Variants in RALGAPA2 observed in about 807,000 individuals in gnomAD.
RALGAPA2 encodes Ral GTPase activating protein catalytic subunit alpha 2.
RALGAPA2 carries 139 observed loss-of-function variants against 230.4 expected under a neutral mutation model. That is an observed-to-expected ratio of 0.60 (90% CI 0.53 to 0.69). RALGAPA2 has a LOEUF of 0.69. RALGAPA2 is among the 30% of genes least tolerant of loss of function. The pLI is 0.00. For synonymous variants in RALGAPA2, 847 were observed against 837.8 expected (o/e 1.01, Z -0.19); for missense variants, 2,163 against 2,276.0 (o/e 0.95, Z 1.01).
At chr20:20,684,085 T>C (rs535889513) in intron 1 of RALGAPA2, among the ~76,000 whole-genome samples, 2 of 152,326 alleles carry the variant, frequency 1.3e-5, no homozygotes, top group South Asian at 4.1e-4. Flanking sequence ...GCAAGACTTC[T>C]GAATAAAACT....
At chr20:20,508,557 C>G (rs771512963) in intron 33 of RALGAPA2, among the ~76,000 whole-genome samples, 94 of 152,372 alleles carry the variant, frequency 6.2e-4, no homozygotes, top group Non-Finnish European at 9.8e-4. Flanking sequence ...CATCATAGCA[C>G]TGACAATCTA....
At chr20:20,518,492 T>A (rs2062942129) in intron 31 of RALGAPA2, among the ~76,000 whole-genome samples, 1 of 152,230 alleles carries the variant, frequency 6.6e-6, no homozygotes. Context: ...TCACTTTCTA[T>A]ATGATGTATC....
chr20:20,573,330 G>A (rs1275841127), intron 20 of RALGAPA2, among the ~76,000 whole-genome samples: 1 of 152,118 alleles, frequency 6.6e-6, no homozygotes, highest in Admixed American at 6.5e-5. Flanking sequence ...ATAGATCAGG[G>A]GAGAGGAAGA....
intron 36 of RALGAPA2, among the ~76,000 whole-genome samples, chr20:20,481,681 G>C (rs971172238): frequency 9.2e-5 from 14 of 152,158 alleles, no homozygotes; most frequent in African/African-American, 3.4e-4. Context: ...TGTGTACACA[G>C]AATATAAAAA....
intron 37 of RALGAPA2, among the ~76,000 whole-genome samples, chr20:20,453,684 A>T (rs964743870): frequency 2.0e-5 from 3 of 152,218 alleles, no homozygotes; most frequent in Non-Finnish European, 4.4e-5. Flanking sequence ...AGCCATGAGG[A>T]AACTGTGCAC....
At chr20:20,518,229 G>A (rs2062933478) in intron 31 of RALGAPA2, among the ~76,000 whole-genome samples, 1 of 152,086 alleles carries the variant, frequency 6.6e-6, no homozygotes, top group Non-Finnish European at 1.5e-5. Context: ...CTAATTTTTT[G>A]TATTTTTAGT....
chr20:20,682,090 T>C (rs138016413), intron 1 of RALGAPA2, among the ~76,000 whole-genome samples: 95 of 152,336 alleles, frequency 6.2e-4, no homozygotes, highest in African/African-American at 2.3e-3. Flanking sequence ...GTTGTTTTTC[T>C]CTGATAATTG....
chr20:20,428,215 A>G (rs946567761), intron 37 of RALGAPA2, among the ~76,000 whole-genome samples: 3 of 152,200 alleles, frequency 2.0e-5, no homozygotes, highest in Non-Finnish European at 2.9e-5. Context: ...TAAAATATAC[A>G]AATAACAGAA....
intron 36 of RALGAPA2, among the ~76,000 whole-genome samples, chr20:20,488,909 G>A (rs1309479225): frequency 6.6e-6 from 1 of 152,170 alleles, no homozygotes; most frequent in East Asian, 1.9e-4. Context: ...ACTGAATGAA[G>A]CACTCCTGTT....
rs531549323 is a variant in RALGAPA2, at chr20:20,417,857, A to G, written c.5496-5709T>C. ...GCTAGATATATTCTAGGCAATAGCA[A>G]CTTGTAAGGAGAGGTTAGAGAGTTC... On this transcript the variant is annotated intron_variant, in intron 37 of 39. Transcript: ENST00000202677. Among the ~76,000 whole-genome samples the G allele has an allele frequency of 5.8e-4, 88 of 152,370 alleles. 2 individuals are homozygous for G. The highest frequency in any genetic ancestry group is 1.8e-4 in the Non-Finnish European group (12 of 68,042).
At chr20:20,463,988 G>A (rs1244737428) in intron 37 of RALGAPA2, among the ~76,000 whole-genome samples, 2 of 152,114 alleles carry the variant, frequency 1.3e-5, no homozygotes, top group African/African-American at 4.8e-5. Flanking sequence ...GTGCAAACCC[G>A]AGATTCTTCT....
chr20:20,694,068 C>T (rs2069016203), intron 1 of RALGAPA2, among the ~76,000 whole-genome samples: 1 of 151,694 alleles, frequency 6.6e-6, no homozygotes. Context: ...TGAGCCACTG[C>T]ACTCCAGCCT....
intron 13 of RALGAPA2, 26 bp downstream of exon 13, chr20:20,616,017 T>A: frequency 7.1e-7 from 1 of 1,405,756 alleles, no homozygotes; most frequent in Non-Finnish European, 9.5e-7. Flanking sequence ...TGTTTTACAA[T>A]ACTAATTAAT....
intron 8 of RALGAPA2, among the ~76,000 whole-genome samples, chr20:20,636,728 G>A (rs2066874272): frequency 6.6e-6 from 1 of 152,094 alleles, no homozygotes; most frequent in Non-Finnish European, 1.5e-5. Flanking sequence ...TTAAATAATA[G>A]GGAGAGGAAG....
chr20:20,475,337 A>C (rs1401084892), intron 36 of RALGAPA2, among the ~76,000 whole-genome samples: 2 of 152,194 alleles, frequency 1.3e-5, no homozygotes, highest in African/African-American at 2.4e-5. Flanking sequence ...AATTAAACCC[A>C]GCAAGATAAA....
At chr20:20,462,437 G>A (rs757788746) in intron 37 of RALGAPA2, among the ~76,000 whole-genome samples, 1 of 152,218 alleles carries the variant, frequency 6.6e-6, no homozygotes, top group Non-Finnish European at 1.5e-5. Context: ...AGAAAAGGGA[G>A]TGGGCACCAG....
chr20:20,443,968 A>T (rs1279975817), intron 37 of RALGAPA2, among the ~76,000 whole-genome samples: 4 of 152,258 alleles, frequency 2.6e-5, no homozygotes, highest in Admixed American at 2.6e-4. Flanking sequence ...AGCAGCTCCC[A>T]TTCCTGGCTG....
At position 20,605,308 on chromosome 20, in the gene RALGAPA2, T is replaced by C; in HGVS notation, c.1905A>G (p.Glu635=). ...GVLSSLTEWE[E]LINEWANIMD... ...TAATGTTGGCCCACTCGTTTATAAG[T>C]TCCTCCCATTCCGTGAGGGAGGACA... The change falls in exon 15 of 40, where the codon GAA becomes GAG. Residue 635 remains glutamate (E), a synonymous_variant. Coordinates refer to ENST00000202677, the MANE Select transcript of RALGAPA2 (RefSeq NM_020343.4). 1 of 1,613,714 alleles carries C rather than the reference T, an allele frequency of 6.2e-7. No individual in the cohort carries two copies. Among genetic ancestry groups the C allele is most frequent in the Non-Finnish European group, 8.5e-7 (1 of 1,179,694 alleles).
At chr20:20,677,027 C>A (rs1292618241) in intron 2 of RALGAPA2, among the ~76,000 whole-genome samples, 2 of 152,022 alleles carry the variant, frequency 1.3e-5, no homozygotes. Context: ...ACTGAATCCC[C>A]ACAGCTCAAT....
Sources: allele counts gnomAD v4.1 joint callset (sites outside exome capture counted in the v4.1 genomes callset), GRCh38; gene constraint gnomAD v4.1.1; transcripts MANE v1.5; gene names NCBI Gene and HGNC (gene_info 2026-07-23, HGNC 2026-07-21).